Variants in CLEC16A observed in about 807,000 individuals in gnomAD.
The protein encoded by CLEC16A is protein CLEC16A.
In CLEC16A, 51 loss-of-function variants were observed where a neutral mutation model predicts 109.5. The observed-to-expected ratio is 0.47, with a 90% CI of 0.37 to 0.59. The LOEUF (loss-of-function observed/expected upper bound fraction) is 0.59. Ranked by LOEUF, CLEC16A falls within the 20% of genes least tolerant of loss-of-function variation. The pLI is 0.00. For missense variants in CLEC16A, 1,339 were observed against 1,394.0 expected, an observed-to-expected ratio of 0.96 and a Z score of 0.63; for synonymous variants, 673 against 564.2, an observed-to-expected ratio of 1.19 and a Z score of -2.73.
At chr16:11,137,806 C>G (rs950593459) in intron 22 of CLEC16A, among the ~76,000 whole-genome samples, 6 of 151,714 alleles carry the variant, frequency 4.0e-5, no homozygotes, top group African/African-American at 1.5e-4. Context: ...GAGACTCCCT[C>G]TCAAAAAAAA....
intron 18 of CLEC16A, among the ~76,000 whole-genome samples, chr16:11,052,499 G>A (rs1383490525): frequency 2.0e-5 from 3 of 152,186 alleles, no homozygotes; most frequent in Non-Finnish European, 4.4e-5. Flanking sequence ...TACCTCGGAA[G>A]CCTGGGGGTG....
At chr16:11,114,603 G>A (rs997796257) in intron 19 of CLEC16A, among the ~76,000 whole-genome samples, 8 of 152,190 alleles carry the variant, frequency 5.3e-5, no homozygotes, top group Admixed American at 2.6e-4. Context: ...AGGGTGGGCC[G>A]AGTTGGATTC....
chr16:11,056,158 G>C (rs1337987584), intron 18 of CLEC16A, among the ~76,000 whole-genome samples: 1 of 152,104 alleles, frequency 6.6e-6, no homozygotes, highest in African/African-American at 2.4e-5. Context: ...ACATGTAGGG[G>C]GACCTGAGAG....
intron 5 of CLEC16A, chr16:10,971,645 C>A: frequency 2.3e-6 from 1 of 433,410 alleles, no homozygotes; most frequent in Non-Finnish European, 3.1e-6. Context: ...ACATTGTGAA[C>A]AGCAGGGGGC....
intron 19 of CLEC16A, among the ~76,000 whole-genome samples, chr16:11,101,543 C>G (rs1293612365): frequency 6.6e-6 from 1 of 152,250 alleles, no homozygotes; most frequent in Non-Finnish European, 1.5e-5. Context: ...AGAGCAGGGA[C>G]TGAGCCTTTT....
intron 13 of CLEC16A, chr16:11,036,023 T>A (rs1457070199): frequency 6.6e-6 from 1 of 152,336 alleles, no homozygotes; most frequent in Non-Finnish European, 1.5e-5. Flanking sequence ...CTGTGTGGAA[T>A]CACCTCTGCT....
rs997781284 is a variant in CLEC16A, at chr16:11,123,614, G to A, written c.2269-128G>A. 9 of 877,114 alleles carry A rather than the reference G, an allele frequency of 1.0e-5. No homozygotes were observed. The African/African-American group carries it at 1.5e-4, about 15-fold the overall frequency. 54.3% of individuals were successfully genotyped at this position (877,114 alleles called of 1,614,324 possible). A position where few individuals can be genotyped will look rare whatever the true frequency, so the allele number is the denominator to read the frequency against. On this transcript the variant is annotated intron_variant, in intron 20 of 23. Transcript: ENST00000409790. ...ATGACTCTGTTGGACTTGGGAGGCTGTCGATCTTAGATCAAAAGCAGAGAT... is the reference window on the plus strand; with the variant it reads ...ATGACTCTGTTGGACTTGGGAGGCTATCGATCTTAGATCAAAAGCAGAGAT...
chr16:10,989,229 G>GT (rs35632930), intron 10 of CLEC16A, among the ~76,000 whole-genome samples: 31 of 131,200 alleles, frequency 2.4e-4, no homozygotes, highest in African/African-American at 9.1e-4. Flanking sequence ...TTTGTTTTTT[G>GT]TTTTTTTTTG....
At chr16:11,110,916 C>G (rs2051543919) in intron 19 of CLEC16A, among the ~76,000 whole-genome samples, 1 of 152,216 alleles carries the variant, frequency 6.6e-6, no homozygotes, top group African/African-American at 2.4e-5. Context: ...TAACAGCATG[C>G]TTTTTCTTTC....
chr16:11,107,160 C>T (rs969693221), intron 19 of CLEC16A, among the ~76,000 whole-genome samples: 1 of 152,182 alleles, frequency 6.6e-6, no homozygotes, highest in Non-Finnish European at 1.5e-5. Context: ...CCAGTTTCCC[C>T]GGGTAACTGA....
chr16:11,008,333 C>A (rs993993167), intron 11 of CLEC16A, among the ~76,000 whole-genome samples: 1 of 152,222 alleles, frequency 6.6e-6, no homozygotes. Context: ...GCCATGCCTG[C>A]CATTTCCCTG....
intron 23 of CLEC16A, among the ~76,000 whole-genome samples, chr16:11,168,241 T>C (rs2068355925): frequency 6.6e-6 from 1 of 152,076 alleles, no homozygotes; most frequent in African/African-American, 2.4e-5. Flanking sequence ...GCTAGTTTCT[T>C]TTTTCTTGGC....
rs1382326458 is a variant in CLEC16A, at chr16:11,178,067, A to T, written c.2807-268A>T. Among the ~76,000 whole-genome samples the T allele has an allele frequency of 2.0e-5, 3 of 152,074 alleles. No individual in the cohort carries two copies. Among genetic ancestry groups the T allele is most frequent in the Non-Finnish European group, 2.9e-5 (2 of 68,022 alleles). ...CTGTGCTTTCATAAGCCACATGCTG[A>T]TTTTGCACAGGCCCTGAATTTTCCC... On this transcript the variant is annotated intron_variant, in intron 23 of 23. Coordinates refer to ENST00000409790, the MANE Select transcript of CLEC16A (RefSeq NM_015226.3). The surrounding 1 kb of genome is among the most constrained non-coding windows in gnomAD (Gnocchi z 6.5).
chr16:11,098,118 G>T (rs887485052), intron 19 of CLEC16A, among the ~76,000 whole-genome samples: 13 of 152,246 alleles, frequency 8.5e-5, no homozygotes, highest in Admixed American at 2.0e-4. Flanking sequence ...GATCCCAGGT[G>T]ATCCTACATG....
At position 11,178,092 on chromosome 16, in the gene CLEC16A, C is replaced by A. The variant is rs190863859; in HGVS notation, c.2807-243C>A. 9.0e-4 allele frequency among the ~76,000 whole-genome samples: 137 copies of A among 152,248 alleles called. No homozygotes were observed. The highest frequency in any genetic ancestry group is 3.2e-3 in the African/African-American group (133 of 41,534). On this transcript the variant is annotated intron_variant, in intron 23 of 23. Transcript: ENST00000409790. The surrounding 1 kb of genome is among the most constrained non-coding windows in gnomAD (Gnocchi z 6.5). ...ATTTTGCACAGGCCCTGAATTTTCC[C>A]CTCATATCACAAGTCAGGGTAACCC...
At chr16:11,046,711 T>C (rs913828915) in intron 16 of CLEC16A, among the ~76,000 whole-genome samples, 1 of 152,196 alleles carries the variant, frequency 6.6e-6, no homozygotes, top group South Asian at 2.1e-4. Flanking sequence ...AAAGCTGGAT[T>C]TGGTTATGTG....
At chr16:11,043,103 C>A (rs1331752800) in intron 15 of CLEC16A, among the ~76,000 whole-genome samples, 1 of 151,760 alleles carries the variant, frequency 6.6e-6, no homozygotes, top group Non-Finnish European at 1.5e-5. Context: ...CACATGCTTA[C>A]AAATGAATTT....
At chr16:11,058,263 A>G (rs940378150) in intron 18 of CLEC16A, among the ~76,000 whole-genome samples, 5 of 152,182 alleles carry the variant, frequency 3.3e-5, no homozygotes, top group African/African-American at 9.7e-5. Context: ...ATTTTATTAT[A>G]CAGTCATCCC....
At chr16:11,063,147 C>T (rs865867666) in intron 19 of CLEC16A, among the ~76,000 whole-genome samples, 24 of 152,220 alleles carry the variant, frequency 1.6e-4, no homozygotes, top group Middle Eastern at 3.4e-3. Flanking sequence ...TGTCTTTGCC[C>T]AGCCTGATTG....
Sources: allele counts gnomAD v4.1 joint callset (sites outside exome capture counted in the v4.1 genomes callset), GRCh38; gene constraint gnomAD v4.1.1; non-coding constraint Gnocchi (gnomAD v3.1); transcripts MANE v1.5; gene names NCBI Gene and HGNC (gene_info 2026-07-23, HGNC 2026-07-21).